RNF186: variants seen among roughly 807,000 people sequenced by gnomAD.
The protein encoded by RNF186 is ring finger protein 186.
For synonymous variants in RNF186, 152 were observed against 133.5 expected (o/e 1.14, Z -0.96); for missense variants, 298 against 298.5 (o/e 1.00, Z 0.01).
In RNF186 at chr1:19,814,072, C is replaced by T. The variant is rs929173112; in HGVS notation, c.*346G>A. The T allele has an allele frequency of 2.7e-5, 6 of 221,598 alleles. No homozygotes were observed. Among genetic ancestry groups the T allele is most frequent in the Non-Finnish European group, 5.3e-5 (6 of 112,784 alleles). The allele number at this position is 221,598 out of a possible 1,614,324, so 13.7% of individuals were successfully genotyped here. A position where few individuals can be genotyped will look rare whatever the true frequency, so the allele number is the denominator to read the frequency against. ...GAATTCCAGTTCTATTCTACAATGGCATCAATACTGCAATACTTTCATCAA... is the reference window on the plus strand; with the variant it reads ...GAATTCCAGTTCTATTCTACAATGGTATCAATACTGCAATACTTTCATCAA... On this transcript the variant is annotated 3_prime_UTR_variant, in exon 1 of 1. Coordinates refer to ENST00000375121, the MANE Select transcript of RNF186 (RefSeq NM_019062.2). The surrounding 1 kb of genome is among the most constrained non-coding windows in gnomAD (Gnocchi z 4.7).
In RNF186 at chr1:19,814,633, C is replaced by T. The variant is rs41264109; in HGVS notation, c.469G>A (p.Ala157Thr). 365 of 1,614,148 alleles carry T rather than the reference C, an allele frequency of 2.3e-4. No homozygotes were observed. Among genetic ancestry groups the T allele is most frequent in the Admixed American group, 1.6e-3 (97 of 60,028 alleles). ...AGCAAGGCCAGCAGGAGTAGGTGCG[C>T]GGCCAGGCGCCGGGCTGCCACGTGG... ...ANHVAARRLA[A>T]HLLLLALLII... The change falls in exon 1 of 1, where the codon GCG (alanine) becomes ACG (threonine). Residue 157 changes from alanine (A) to threonine (T), a missense_variant. Ala to Thr is a moderately conservative substitution (Grantham distance 58). Transcript: ENST00000375121. This position sits in a 1 kb window ranked among gnomAD's most constrained non-coding sequence, Gnocchi z 4.7.
chr1:19,815,107 G>A lies in RNF186; in HGVS notation c.-6C>T. ...AGGGTCTTGGTGCAGGCCATTCTGGGCACAGGGACCGGTGGGACACTGTCG... is the reference window on the plus strand; with the variant it reads ...AGGGTCTTGGTGCAGGCCATTCTGGACACAGGGACCGGTGGGACACTGTCG... On this transcript the variant is annotated 5_prime_UTR_variant, in exon 1 of 1. Transcript: ENST00000375121. 1 of 1,609,306 alleles carries A rather than the reference G, an allele frequency of 6.2e-7. No homozygotes were observed. The highest frequency in any genetic ancestry group is 8.5e-7 in the Non-Finnish European group (1 of 1,176,744).
rs2044702466 is a variant in RNF186, at chr1:19,814,746, C to G, written c.356G>C (p.Cys119Ser). The G allele has an allele frequency of 6.2e-7, 1 of 1,614,096 alleles. No homozygotes were observed. Among genetic ancestry groups the G allele is most frequent in the Admixed American group, 1.7e-5 (1 of 60,018 alleles). ...AGCAGGATCCACCAGCCCCTGAGGACAGAGCGATACCTCTGTGCATGGCTG... is the reference window on the plus strand; with the variant it reads ...AGCAGGATCCACCAGCCCCTGAGGAGAGAGCGATACCTCTGTGCATGGCTG... ...LAQPCTEVSL[C>S]PQGLVDPADL... The change falls in exon 1 of 1, where the codon TGT (cysteine) becomes TCT (serine). Residue 119 changes from cysteine (C) to serine (S), a missense_variant. By Grantham distance (112) the Cys-to-Ser change is moderately radical (BLOSUM62 -1). Transcript: ENST00000375121. The surrounding 1 kb of genome is among the most constrained non-coding windows in gnomAD (Gnocchi z 4.7).
rs2044705872 is a variant in RNF186, at chr1:19,815,014, G to A, written c.88C>T (p.His30Tyr). 6.2e-7 allele frequency: 1 copy of A among 1,614,122 alleles called. No homozygotes were observed. The highest frequency in any genetic ancestry group is 8.5e-7 in the Non-Finnish European group (1 of 1,180,038). ...AGGTCACATTCTGTGGAGCCAGAAT[G>A]ACCCCCAGCAGGGGCCACAGCGGTG... The part of the protein sequence containing the change: ...TTTAVAPAGG[H>Y]SGSTECDLEC... The change falls in exon 1 of 1, where the codon CAT becomes TAT. Residue 30 changes from histidine (H) to tyrosine (Y), a missense_variant. His to Tyr is a moderately conservative substitution (Grantham distance 83). Transcript: ENST00000375121.
rs1571113709 is a variant in RNF186, at chr1:19,814,228, T to G, written c.*190A>C. 1 of 600,894 alleles carries G rather than the reference T, an allele frequency of 1.7e-6. No homozygotes were observed. Among genetic ancestry groups the G allele is most frequent in the Admixed American group, 3.0e-5 (1 of 33,508 alleles). The allele number at this position is 600,894 out of a possible 1,614,324, so 37.2% of individuals were successfully genotyped here. On this transcript the variant is annotated 3_prime_UTR_variant, in exon 1 of 1. Coordinates refer to ENST00000375121, the MANE Select transcript of RNF186 (RefSeq NM_019062.2). This position sits in a 1 kb window ranked among gnomAD's most constrained non-coding sequence, Gnocchi z 4.7. The stretch of plus-strand genomic sequence containing the variant: ...TTAGCTATGCTATCCCAAGGGCAAG[T>G]GCAAGCCTGTCATCCAAGCGTGTAA...
Position 19,814,464 on chromosome 1 carries a change from A to G in RNF186, c.638T>C (p.Leu213Pro). 1 of 1,614,178 alleles carries G rather than the reference A, an allele frequency of 6.2e-7. No homozygotes were observed. The highest frequency in any genetic ancestry group is 8.5e-7 in the Non-Finnish European group (1 of 1,180,026). ...RGSCWPSSRT[L>P]FCREQKHSHI... ...GCTGTGTTTCTGCTCTCTGCAGAAG[A>G]GAGTCCTGGAGGAGGGCCAGCAGCT... Residue 213 changes from leucine (L) to proline (P), a missense_variant, in exon 1 of 1, where the codon CTC (leucine) becomes CCC (proline). Physicochemically the swap from Leu to Pro is moderately conservative, Grantham distance 98. Transcript: ENST00000375121. The surrounding 1 kb of genome is among the most constrained non-coding windows in gnomAD (Gnocchi z 4.7).
In RNF186 at chr1:19,814,661, T is replaced by C; in HGVS notation, c.441A>G (p.Ala147=). The change falls in exon 1 of 1, where the codon GCA becomes GCG. Residue 147 remains alanine, a synonymous_variant. Coordinates refer to ENST00000375121, the MANE Select transcript of RNF186 (RefSeq NM_019062.2). This position sits in a 1 kb window ranked among gnomAD's most constrained non-coding sequence, Gnocchi z 4.7. ...CCAGGCGCCGGGCTGCCACGTGGTTTGCACTTACTTCATCCTGTCCATCCT... is the reference window on the plus strand; with the variant it reads ...CCAGGCGCCGGGCTGCCACGTGGTTCGCACTTACTTCATCCTGTCCATCCT... ...VGEDGQDEVS[A]NHVAARRLAA... is the part of the protein sequence containing the mutation. 1.2e-6 allele frequency: 2 copies of C among 1,614,192 alleles called. No individual in the cohort carries two copies. Among genetic ancestry groups the C allele is most frequent in the Non-Finnish European group, 1.7e-6 (2 of 1,180,030 alleles).
In RNF186 at chr1:19,814,912, C is replaced by T. The variant is rs41264113; in HGVS notation, c.190G>A (p.Ala64Thr). The change falls in exon 1 of 1, where the codon GCC (alanine) becomes ACC (threonine). Residue 64 changes from alanine to threonine, a missense_variant. Ala to Thr is a moderately conservative substitution (Grantham distance 58). Transcript: ENST00000375121. This position sits in a 1 kb window ranked among gnomAD's most constrained non-coding sequence, Gnocchi z 4.7. ...CACAGCAGGAGCTTCAGGCAGATGG[C>T]GCAGAAGGCATGCTGGCAGGCCAGC... The part of the protein sequence containing the change: ...KLLACQHAFC[A>T]ICLKLLLCVQ... The T allele has an allele frequency of 5.9e-3, 9,477 of 1,613,890 alleles. 60 individuals are homozygous for T. The highest frequency in any genetic ancestry group is 9.6e-3 in the Admixed American group (577 of 60,028).
chr1:19,814,505 G>A lies in RNF186; in HGVS notation c.597C>T (p.Leu199=), dbSNP rs1309239365. ...GCCAGCAGCTGCCCCGGGTGCTGGG[G>A]AGACAGCAGAAGAGGGTGGACATCA... ...ALLMSTLFCC[L]PSTRGSCWPS... The change falls in exon 1 of 1, where the codon CTC becomes CTT. Residue 199 remains leucine (L), a synonymous_variant. Transcript: ENST00000375121. The surrounding 1 kb of genome is among the most constrained non-coding windows in gnomAD (Gnocchi z 4.7). The A allele has an allele frequency of 1.9e-6, 3 of 1,614,046 alleles. No individual in the cohort carries two copies. The highest frequency in any genetic ancestry group is 2.7e-5 in the African/African-American group (2 of 74,912).
In RNF186 at chr1:19,814,883, C is replaced by T; in HGVS notation, c.219G>A (p.Val73=). ...CAICLKLLLC[V]QDNTWSITCP... ...AGGTGATGGACCAGGTGTTGTCCTG[C>T]ACGCACAGCAGGAGCTTCAGGCAGA... is the stretch of plus-strand genomic sequence containing the variant. Residue 73 remains valine, a synonymous_variant, in exon 1 of 1, where the codon GTG becomes GTA. Coordinates refer to ENST00000375121, the MANE Select transcript of RNF186 (RefSeq NM_019062.2). The surrounding 1 kb of genome is among the most constrained non-coding windows in gnomAD (Gnocchi z 4.7). 1 of 1,613,918 alleles carries T rather than the reference C, an allele frequency of 6.2e-7. No homozygotes were observed. The highest frequency in any genetic ancestry group is 8.5e-7 in the Non-Finnish European group (1 of 1,180,020).
Position 19,814,337 on chromosome 1 carries a change from T to C in RNF186, c.*81A>G. ...TCCCAAAGGAGCCAGTCTTAGTCCGTAACCCCTTACCCTGTTCATTGTGGA... is the reference window on the plus strand; with the variant it reads ...TCCCAAAGGAGCCAGTCTTAGTCCGCAACCCCTTACCCTGTTCATTGTGGA... On this transcript the variant is annotated 3_prime_UTR_variant, in exon 1 of 1. Coordinates refer to ENST00000375121, the MANE Select transcript of RNF186 (RefSeq NM_019062.2). The surrounding 1 kb of genome is among the most constrained non-coding windows in gnomAD (Gnocchi z 4.7). The C allele has an allele frequency of 7.5e-7, 1 of 1,332,896 alleles. No individual in the cohort carries two copies. The highest frequency in any genetic ancestry group is 2.4e-5 in the East Asian group (1 of 42,378). The allele number at this position is 1,332,896 out of a possible 1,614,324, so 82.6% of individuals were successfully genotyped here. A position where few individuals can be genotyped will look rare whatever the true frequency, so the allele number is the denominator to read the frequency against.
At position 19,814,797 on chromosome 1, in the gene RNF186, T is replaced by A. The variant is rs1557653699; in HGVS notation, c.305A>T (p.His102Leu). The A allele has an allele frequency of 6.2e-7, 1 of 1,613,970 alleles. No individual in the cohort carries two copies. The highest frequency in any genetic ancestry group is 8.5e-7 in the Non-Finnish European group (1 of 1,179,996). ...GGCCAGCTGCCCCACCACCGCCTCA[T>A]GGTCGCGCAGGCTGCAGATGAGGCC... is the stretch of plus-strand genomic sequence containing the variant. ...PGGLICSLRD[H>L]EAVVGQLAQP... is the part of the protein sequence containing the mutation. The change falls in exon 1 of 1, where the codon CAT becomes CTT. Residue 102 changes from histidine to leucine, a missense_variant. Transcript: ENST00000375121. This position sits in a 1 kb window ranked among gnomAD's most constrained non-coding sequence, Gnocchi z 4.7.
chr1:19,814,313 C>G lies in RNF186; in HGVS notation c.*105G>C, dbSNP rs890176046. On this transcript the variant is annotated 3_prime_UTR_variant, in exon 1 of 1. Transcript: ENST00000375121. The surrounding 1 kb of genome is among the most constrained non-coding windows in gnomAD (Gnocchi z 4.7). ...TGCAAGTCCCGCTGGCATGTGATTT[C>G]CCAAAGGAGCCAGTCTTAGTCCGTA... The G allele has an allele frequency of 2.3e-4, 250 of 1,098,518 alleles. 3 individuals are homozygous for G. Among genetic ancestry groups the G allele is most frequent in the Admixed American group, 1.1e-4 (4 of 35,252 alleles). The allele number at this position is 1,098,518 out of a possible 1,614,324, so 68.0% of individuals were successfully genotyped here. A position where few individuals can be genotyped will look rare whatever the true frequency, so the allele number is the denominator to read the frequency against.
rs1368441695 is a variant in RNF186, at chr1:19,815,066, G to A, written c.36C>T (p.Pro12=). Residue 12 remains proline (P), a synonymous_variant, in exon 1 of 1, where the codon CCC becomes CCT. Coordinates refer to ENST00000375121, the MANE Select transcript of RNF186 (RefSeq NM_019062.2). ...TGGTTGTGGTGGCTCCTGCGGAGAT[G>A]GGCTGGGACTGTTGCAGGGTCTTGG... ...ACTKTLQQSQ[P]ISAGATTTTT... is the part of the protein sequence containing the mutation. The A allele has an allele frequency of 7.4e-6, 12 of 1,613,904 alleles. No homozygotes were observed. Among genetic ancestry groups the A allele is most frequent in the African/African-American group, 1.3e-5 (1 of 75,066 alleles).
chr1:19,814,594 C>T lies in RNF186; in HGVS notation c.508G>A (p.Gly170Arg), dbSNP rs756325878. 1.1e-5 allele frequency: 18 copies of T among 1,614,014 alleles called. No individual in the cohort carries two copies. The highest frequency in any genetic ancestry group is 8.3e-5 in the Admixed American group (5 of 60,008). Residue 170 changes from glycine (G) to arginine (R), a missense_variant, in exon 1 of 1, where the codon GGG becomes AGG. Physicochemically the swap from Gly to Arg is moderately radical, Grantham distance 125. Coordinates refer to ENST00000375121, the MANE Select transcript of RNF186 (RefSeq NM_019062.2). The surrounding 1 kb of genome is among the most constrained non-coding windows in gnomAD (Gnocchi z 4.7). ...AAGACACCCGGGTAGATGAAGGGCC[C>T]GATGAGGATAATGAGCAAGGCCAGC... is the stretch of plus-strand genomic sequence containing the variant. ...LLLALLIILI[G>R]PFIYPGVLRW...
rs1173797461 is a variant in RNF186 at position 19,814,412 on chromosome 1, G to A, written c.*6C>T. The A allele has an allele frequency of 1.9e-6, 3 of 1,612,246 alleles. No homozygotes were observed. The highest frequency in any genetic ancestry group is 2.5e-6 in the Non-Finnish European group (3 of 1,178,816). On this transcript the variant is annotated 3_prime_UTR_variant, in exon 1 of 1. Transcript: ENST00000375121. The surrounding 1 kb of genome is among the most constrained non-coding windows in gnomAD (Gnocchi z 4.7). ...GGGCTGCAGGGATAGCCTCATCAGA[G>A]GGCACTCAGGCAATGGAAGAGATGT...
Position 19,814,646 on chromosome 1 carries a change from G to A in RNF186, c.456C>T (p.Ala152=). 1 of 1,614,172 alleles carries A rather than the reference G, an allele frequency of 6.2e-7. No homozygotes were observed. The highest frequency in any genetic ancestry group is 1.1e-5 in the South Asian group (1 of 91,082). Residue 152 remains alanine (A), a synonymous_variant, in exon 1 of 1, where the codon GCC becomes GCT. Coordinates refer to ENST00000375121, the MANE Select transcript of RNF186 (RefSeq NM_019062.2). This position sits in a 1 kb window ranked among gnomAD's most constrained non-coding sequence, Gnocchi z 4.7. Reference sequence around the variant, plus strand: ...GGAGTAGGTGCGCGGCCAGGCGCCGGGCTGCCACGTGGTTTGCACTTACTT... The same window carrying A: ...GGAGTAGGTGCGCGGCCAGGCGCCGAGCTGCCACGTGGTTTGCACTTACTT... The part of the protein sequence containing the change: ...QDEVSANHVA[A]RRLAAHLLLL...
chr1:19,814,746 CAG>C lies in RNF186; in HGVS notation c.354_355del (p.Cys119SerfsTer9). ...AGCAGGATCCACCAGCCCCTGAGGA[CAG>C]AGCGATACCTCTGTGCATGGCTGGG... is the stretch of plus-strand genomic sequence containing the variant. On this transcript the variant is annotated frameshift_variant, in exon 1 of 1. Transcript: ENST00000375121. LOFTEE classifies it low-confidence loss of function (END_TRUNC). This position sits in a 1 kb window ranked among gnomAD's most constrained non-coding sequence, Gnocchi z 4.7. 6.2e-7 allele frequency: 1 copy of C among 1,614,214 alleles called. No individual in the cohort carries two copies. The highest frequency in any genetic ancestry group is 8.5e-7 in the Non-Finnish European group (1 of 1,180,040).
Position 19,814,259 on chromosome 1 carries a change from G to T in RNF186, c.*159C>A. The T allele has an allele frequency of 1.5e-6, 1 of 665,812 alleles. No homozygotes were observed. The highest frequency in any genetic ancestry group is 2.7e-5 in the East Asian group (1 of 36,516). The allele number at this position is 665,812 out of a possible 1,614,324, so 41.2% of individuals were successfully genotyped here. A position where few individuals can be genotyped will look rare whatever the true frequency, so the allele number is the denominator to read the frequency against. On this transcript the variant is annotated 3_prime_UTR_variant, in exon 1 of 1. Transcript: ENST00000375121. This position sits in a 1 kb window ranked among gnomAD's most constrained non-coding sequence, Gnocchi z 4.7. Reference sequence around the variant, plus strand: ...CCTGTCATCCAAGCGTGTAATTCTTGACCCAGGCTGGCCATCTCGGTTGTG... The same window carrying T: ...CCTGTCATCCAAGCGTGTAATTCTTTACCCAGGCTGGCCATCTCGGTTGTG...
Sources: allele counts gnomAD v4.1 joint callset, GRCh38; gene constraint gnomAD v4.1.1; non-coding constraint Gnocchi (gnomAD v3.1); transcripts MANE v1.5; gene names NCBI Gene and HGNC (gene_info 2026-07-23, HGNC 2026-07-21).